The following LAMC1 variants were observed in gnomAD, a reference collection of about 807,000 sequenced individuals.
LAMC1 encodes the protein laminin subunit gamma 1, also known as laminin subunit gamma-1.
LAMC1 carries 38 observed loss-of-function variants against 173.6 expected under a neutral mutation model. The ratio of observed to expected loss-of-function variants is 0.22; its 90% CI spans 0.17 to 0.29. LAMC1 has a LOEUF of 0.29. LAMC1 is among the 10% of genes least tolerant of loss of function. The pLI, the probability that LAMC1 is intolerant of heterozygous loss-of-function variation, is 1.00. For missense variants in LAMC1, 1,824 were observed against 2,051.8 expected (o/e 0.89, Z 2.14); for synonymous variants, 746 against 749.1 (o/e 1.00, Z 0.07).
At chr1:183,074,456 A>G (rs908512460) in intron 1 of LAMC1, among the ~76,000 whole-genome samples, 30 of 152,248 alleles carry the variant, frequency 2.0e-4, no homozygotes, top group African/African-American at 7.2e-4. Context: ...GTAGTGGTTT[A>G]CTAAGTGTTC....
chr1:183,135,662 G>A (rs2102110047), intron 24 of LAMC1, among the ~76,000 whole-genome samples: 1 of 152,144 alleles, frequency 6.6e-6, no homozygotes, highest in South Asian at 2.1e-4. Context: ...GATCACTGGA[G>A]GCCAGGAGTT....
At chr1:183,138,595 A>G (rs1657015726) in intron 26 of LAMC1, 1 of 152,206 alleles carries the variant, frequency 6.6e-6, no homozygotes, top group African/African-American at 2.4e-5. Context: ...GGATGGAAAA[A>G]AGAAGTACAA....
In LAMC1 at chr1:183,023,999, G is replaced by A. The variant is rs1317613185; in HGVS notation, c.283G>A (p.Gly95Arg). Residue 95 changes from glycine (G) to arginine (R), a missense_variant, in exon 1 of 28, where the codon GGG (glycine) becomes AGG (arginine). By Grantham distance (125) the Gly-to-Arg change is moderately radical. Transcript: ENST00000258341. The part of the protein sequence containing the change: ...VTKSCHLCDA[G>R]QPHLQHGAAF... The stretch of plus-strand genomic sequence containing the variant: ...CAAGTCCTGTCACCTGTGCGACGCC[G>A]GGCAGCCCCACCTGCAGCACGGGGC... 1 of 1,613,072 alleles carries A rather than the reference G, an allele frequency of 6.2e-7. No individual in the cohort carries two copies. The highest frequency in any genetic ancestry group is 2.2e-5 in the East Asian group (1 of 44,858).
chr1:183,112,936 G>C (rs1309541999), intron 4 of LAMC1, among the ~76,000 whole-genome samples: 1 of 152,180 alleles, frequency 6.6e-6, no homozygotes, highest in African/African-American at 2.4e-5. Flanking sequence ...TGCAGTCCCA[G>C]CACTTGGGAG....
intron 1 of LAMC1, among the ~76,000 whole-genome samples, chr1:183,088,101 C>T (rs1655478959): frequency 6.6e-6 from 1 of 152,158 alleles, no homozygotes; most frequent in African/African-American, 2.4e-5. Context: ...CCACACCCAA[C>T]CAGAAAGGTC....
At chr1:183,039,826 C>G (rs1654077592) in intron 1 of LAMC1, among the ~76,000 whole-genome samples, 1 of 152,204 alleles carries the variant, frequency 6.6e-6, no homozygotes, top group Non-Finnish European at 1.5e-5. Flanking sequence ...TGCTGTCTTT[C>G]ATGTGTTCTG....
intron 27 of LAMC1, 131 bp downstream of exon 27, chr1:183,140,634 A>G (rs1158227930): frequency 2.4e-6 from 1 of 422,010 alleles, no homozygotes; most frequent in East Asian, 3.7e-5. Context: ...CATTAATTAA[A>G]TTATTAATAT....
intron 1 of LAMC1, 39 bp downstream of exon 1, chr1:183,024,173 A>G: frequency 6.7e-7 from 1 of 1,502,636 alleles, no homozygotes; most frequent in South Asian, 1.3e-5. Context: ...ACTGCTCGCC[A>G]GCAGCCCAGC....
chr1:183,090,977 T>C (rs1415475147), intron 1 of LAMC1, among the ~76,000 whole-genome samples: 1 of 152,216 alleles, frequency 6.6e-6, no homozygotes. Context: ...CATCAAAATC[T>C]CCATCCCCTC....
rs2102095689 is a variant in LAMC1 at position 183,125,533 on chromosome 1, T to C, written c.2784T>C (p.Ser928=). 6.3e-7 allele frequency: 1 copy of C among 1,599,570 alleles called. No homozygotes were observed. The change falls in exon 15 of 28, where the codon AGT becomes AGC. Residue 928 remains serine (S), a synonymous_variant. Transcript: ENST00000258341. ...ACDPGFYNLQ[S]GQGCERCDCH... ...ACCCTGGATTCTACAATCTGCAGAG[T>C]GGGCAAGGCTGTGAGAGGTGAGACA...
chr1:183,024,187 C>T, intron 1 of LAMC1, 53 bp downstream of exon 1: 1 of 1,480,936 alleles, frequency 6.8e-7, no homozygotes, highest in South Asian at 1.4e-5. Flanking sequence ...GCCCAGCTCC[C>T]GGACCGGCTC....
chr1:183,126,639 G>C (rs531239803), intron 16 of LAMC1, among the ~76,000 whole-genome samples: 2 of 152,320 alleles, frequency 1.3e-5, no homozygotes, highest in East Asian at 3.9e-4. Context: ...CATGTTTGTT[G>C]ACTTGCTGTA....
intron 2 of LAMC1, 132 bp downstream of exon 2, chr1:183,103,764 CAGAG>C (rs1218818472): frequency 1.0e-5 from 7 of 682,716 alleles, no homozygotes; most frequent in South Asian, 5.6e-5. Flanking sequence ...GCAACACAGA[CAGAG>C]AGCTTGATTC....
chr1:183,041,907 A>G (rs1232814303), intron 1 of LAMC1, among the ~76,000 whole-genome samples: 1 of 152,160 alleles, frequency 6.6e-6, no homozygotes, highest in African/African-American at 2.4e-5. Flanking sequence ...AGATGAGTGC[A>G]AGAAACAGCA....
At chr1:183,086,036 C>T (rs1187607084) in intron 1 of LAMC1, among the ~76,000 whole-genome samples, 1 of 152,044 alleles carries the variant, frequency 6.6e-6, no homozygotes, top group Non-Finnish European at 1.5e-5. Flanking sequence ...TAAGTATAAG[C>T]AGACAATAAA....
At chr1:183,080,648 T>G (rs78748016) in intron 1 of LAMC1, among the ~76,000 whole-genome samples, 2 of 149,606 alleles carry the variant, frequency 1.3e-5, no homozygotes, top group Non-Finnish European at 3.0e-5. Flanking sequence ...TTTCTTCCTG[T>G]TTTTTTTTTC....
chr1:183,033,177 A>T (rs1223420333), intron 1 of LAMC1, among the ~76,000 whole-genome samples: 1 of 152,164 alleles, frequency 6.6e-6, no homozygotes, highest in Non-Finnish European at 1.5e-5. Flanking sequence ...TCTCCTCTGT[A>T]CCAGAAGTTG....
At chr1:183,099,771 G>A (rs1052202097) in intron 1 of LAMC1, among the ~76,000 whole-genome samples, 31 of 152,068 alleles carry the variant, frequency 2.0e-4, no homozygotes, top group Non-Finnish European at 1.5e-5. Context: ...CCAAGTCTCT[G>A]TCTCTAACTC....
rs1653615824 is a variant in LAMC1, at chr1:183,024,149, C to T, written c.418+15C>T. ...GCTGCACCTGGGTAAGCGGTGACAG[C>T]CCCGTCCCCTGCTACTGCTCGCCAG... On this transcript the variant is annotated intron_variant, in intron 1 of 27. Coordinates refer to ENST00000258341, the MANE Select transcript of LAMC1 (RefSeq NM_002293.4). 6.5e-7 allele frequency: 1 copy of T among 1,538,602 alleles called. No homozygotes were observed. Among genetic ancestry groups the T allele is most frequent in the Admixed American group, 1.9e-5 (1 of 51,684 alleles).
Sources: allele counts gnomAD v4.1 joint callset (sites outside exome capture counted in the v4.1 genomes callset), GRCh38; gene constraint gnomAD v4.1.1; transcripts MANE v1.5; gene names NCBI Gene and HGNC (gene_info 2026-07-23, HGNC 2026-07-21).